CEP112: variants seen among roughly 807,000 people sequenced by gnomAD.
CEP112 encodes centrosomal protein 112.
A neutral mutation model predicts 153.0 loss-of-function variants in CEP112; 127 were observed. The observed-to-expected ratio is 0.83, with a 90% CI of 0.72 to 0.96. The LOEUF is 0.96. Among genes scored for constraint, CEP112 ranks in the 40% least tolerant of loss-of-function variants. CEP112 has a pLI of 0.00. For missense variants in CEP112, 1,089 were observed against 1,101.2 expected (o/e 0.99, Z 0.16); for synonymous variants, 358 against 374.4 (o/e 0.96, Z 0.51).
chr17:65,853,904 T>C lies in CEP112; in HGVS notation c.2164-1870A>G, dbSNP rs1395341793. Among the ~76,000 whole-genome samples the C allele has an allele frequency of 2.6e-5, 4 of 152,320 alleles. No homozygotes were observed. In the East Asian group the frequency reaches 5.8e-4, roughly 22 times the overall value. ...AATTCTTTGCAAATTTTGAGAATGT[T>C]TGATGGCAAGTTATGTAGCCAATTT... On this transcript the variant is annotated intron_variant, in intron 20 of 26. Coordinates refer to ENST00000535342, the MANE Select transcript of CEP112 (RefSeq NM_001199165.4).
chr17:66,164,911 T>C lies in CEP112; in HGVS notation c.470+10133A>G, dbSNP rs1344884186. ...ATGTGTGTGTGTGTGTGTGTGTGTG[T>C]GTGTGTGTGTATATTTATTTATAAA... On this transcript the variant is annotated intron_variant, in intron 4 of 26. Coordinates refer to ENST00000535342, the MANE Select transcript of CEP112 (RefSeq NM_001199165.4). Among the ~76,000 whole-genome samples, 13 of 146,160 alleles carry C rather than the reference T, an allele frequency of 8.9e-5. No homozygotes were observed. The East Asian group carries it at 2.6e-3, about 29-fold the overall frequency.
chr17:65,781,465 A>G (rs2053991961), intron 21 of CEP112, among the ~76,000 whole-genome samples: 1 of 152,148 alleles, frequency 6.6e-6, no homozygotes. Context: ...CTATCAATCT[A>G]CCAATGTCAT....
At chr17:65,926,161 C>T (rs1339059879) in intron 19 of CEP112, among the ~76,000 whole-genome samples, 4 of 152,326 alleles carry the variant, frequency 2.6e-5, no homozygotes, top group Admixed American at 2.0e-4. Context: ...CCTTTCTCCC[C>T]ATACTCTGGC....
intron 8 of CEP112, among the ~76,000 whole-genome samples, chr17:66,071,388 A>C (rs778329906): frequency 2.0e-5 from 3 of 152,156 alleles, no homozygotes; most frequent in Non-Finnish European, 2.9e-5. Flanking sequence ...TCCTTCACAG[A>C]AGCATTTTTG....
At chr17:65,798,231 C>G (rs1211831521) in intron 21 of CEP112, among the ~76,000 whole-genome samples, 1 of 152,058 alleles carries the variant, frequency 6.6e-6, no homozygotes, top group Non-Finnish European at 1.5e-5. Flanking sequence ...ATCTCCTCTC[C>G]AGGTATTTAG....
intron 21 of CEP112, among the ~76,000 whole-genome samples, chr17:65,846,843 CACTT>C (rs1296137599): frequency 6.6e-6 from 1 of 152,144 alleles, no homozygotes; most frequent in Non-Finnish European, 1.5e-5. Context: ...TTTATTCACT[CACTT>C]AATATTTAAT....
intron 24 of CEP112, among the ~76,000 whole-genome samples, chr17:65,683,792 C>T (rs2047649855): frequency 6.6e-6 from 1 of 152,190 alleles, no homozygotes; most frequent in Admixed American, 6.6e-5. Context: ...GCCTGTAATA[C>T]CAGCACTTTG....
At chr17:66,147,908 C>T (rs1041815867) in intron 4 of CEP112, among the ~76,000 whole-genome samples, 1 of 152,152 alleles carries the variant, frequency 6.6e-6, no homozygotes, top group Non-Finnish European at 1.5e-5. Context: ...ATAACAGTGG[C>T]TTTGCAGCAA....
chr17:65,821,947 A>T (rs1158664088), intron 21 of CEP112, among the ~76,000 whole-genome samples: 7 of 152,104 alleles, frequency 4.6e-5, no homozygotes, highest in Non-Finnish European at 7.4e-5. Context: ...AAACCAATTT[A>T]AAAAATATGT....
chr17:65,917,946 G>C lies in CEP112; in HGVS notation c.1980+9636C>G, dbSNP rs182642177. 1.1e-4 allele frequency among the ~76,000 whole-genome samples: 17 copies of C among 152,236 alleles called. No individual in the cohort carries two copies. The East Asian group carries it at 3.3e-3, about 30-fold the overall frequency. ...AATCCTAGCACTTTGAGAGGCCAAG[G>C]CAGGTGGATTGCCTGAGCTCAGGAG... On this transcript the variant is annotated intron_variant, in intron 19 of 26. Transcript: ENST00000535342.
At chr17:66,062,880 T>G in intron 11 of CEP112, 83 bp downstream of exon 11, 1 of 656,394 alleles carries the variant, frequency 1.5e-6, no homozygotes, top group Non-Finnish European at 2.5e-6. Context: ...GTATATTCTG[T>G]GAAATCTATT....
At chr17:65,851,088 A>C (rs1291087469) in intron 21 of CEP112, among the ~76,000 whole-genome samples, 4 of 152,188 alleles carry the variant, frequency 2.6e-5, no homozygotes, top group Non-Finnish European at 5.9e-5. Flanking sequence ...AATTAAACAA[A>C]ATTTAGATGA....
At chr17:65,933,861 A>G (rs752613043) in intron 18 of CEP112, among the ~76,000 whole-genome samples, 1 of 152,218 alleles carries the variant, frequency 6.6e-6, no homozygotes, top group African/African-American at 2.4e-5. Flanking sequence ...TGCTTAAAAA[A>G]CAAAACTTTT....
At chr17:65,883,233 A>G (rs576286235) in intron 20 of CEP112, among the ~76,000 whole-genome samples, 1 of 151,770 alleles carries the variant, frequency 6.6e-6, no homozygotes, top group South Asian at 2.1e-4. Context: ...CAGATCATAC[A>G]AGGTATTGCA....
chr17:65,663,871 C>A (rs2046533728), intron 24 of CEP112, among the ~76,000 whole-genome samples: 1 of 152,034 alleles, frequency 6.6e-6, no homozygotes, highest in African/African-American at 2.4e-5. Context: ...ACGGTGAAAC[C>A]CTGTTTCTAC....
intron 21 of CEP112, among the ~76,000 whole-genome samples, chr17:65,769,171 T>C (rs1281108838): frequency 6.6e-6 from 1 of 151,734 alleles, no homozygotes; most frequent in Non-Finnish European, 1.5e-5. Context: ...GAAAACAACC[T>C]CATTTACAAT....
intron 17 of CEP112, among the ~76,000 whole-genome samples, chr17:65,970,211 GCATGCATATA>G (rs1568312698): frequency 9.1e-6 from 1 of 110,308 alleles, no homozygotes; most frequent in South Asian, 4.9e-4. Flanking sequence ...TGCATGTCAT[GCATGCATATA>G]CCATGCATAT....
intron 21 of CEP112, among the ~76,000 whole-genome samples, chr17:65,843,254 G>T (rs1365522842): frequency 2.0e-5 from 3 of 151,994 alleles, no homozygotes; most frequent in African/African-American, 7.2e-5. Context: ...ATATTTACAG[G>T]TGCCATTATC....
intron 6 of CEP112, among the ~76,000 whole-genome samples, chr17:66,104,696 C>T (rs1006497824): frequency 2.0e-5 from 3 of 152,056 alleles, no homozygotes; most frequent in African/African-American, 7.2e-5. Flanking sequence ...CAATTCCAGG[C>T]CTTGGGTCCT....
Sources: gnomAD v4.1 joint callset for allele counts (sites outside exome capture counted in the v4.1 genomes callset) on GRCh38, gnomAD v4.1.1 for gene constraint, MANE v1.5 for transcripts, NCBI Gene and HGNC (gene_info 2026-07-23, HGNC 2026-07-21) for gene names.